The following SVEP1 variants were observed in gnomAD, a reference collection of about 807,000 sequenced individuals.
The protein encoded by SVEP1 is sushi, von Willebrand factor type A, EGF and pentraxin domain-containing protein 1.
SVEP1 carries 164 observed loss-of-function variants against 367.3 expected under a neutral mutation model. That is an observed-to-expected ratio of 0.45 (90% confidence interval 0.39 to 0.51). The LOEUF (loss-of-function observed/expected upper bound fraction) is 0.51. SVEP1 is among the 20% of genes least tolerant of loss of function. The pLI, the probability that SVEP1 is intolerant of heterozygous loss-of-function variation, is 0.00. For missense variants in SVEP1, 4,117 were observed against 4,425.3 expected, an observed-to-expected ratio of 0.93 and a Z score of 1.98; for synonymous variants, 1,666 against 1,611.6, an observed-to-expected ratio of 1.03 and a Z score of -0.81.
chr9:110,443,041 T>C (rs1056740293), intron 27 of SVEP1: 3 of 152,398 alleles, frequency 2.0e-5, no homozygotes, highest in East Asian at 1.9e-4. Flanking sequence ...AACAAGCTTA[T>C]TGCCATGTAC....
At chr9:110,428,984 G>A (rs2118547059) in intron 35 of SVEP1, among the ~76,000 whole-genome samples, 159 bp downstream of exon 35, 1 of 152,274 alleles carries the variant, frequency 6.6e-6, no homozygotes, top group African/African-American at 2.4e-5. Flanking sequence ...TGGGAGGATC[G>A]CTTGAGCCTG....
chr9:110,411,430 A>G lies in SVEP1; in HGVS notation c.6281T>C (p.Leu2094Ser). Residue 2094 changes from leucine to serine, a missense_variant, in exon 37 of 48, where the codon TTG becomes TCG. By Grantham distance (145) the Leu-to-Ser change is moderately radical. Coordinates refer to ENST00000374469, the MANE Select transcript of SVEP1 (RefSeq NM_153366.4). ...AAATTTTGCTTTGCTCACAGATTCC[A>G]AGATGCTATAGGAAACCGATGGAGG... is the stretch of plus-strand genomic sequence containing the variant. Reference protein sequence around the residue: ...EKPPSVSYSILESVSKAKFAA... With the variant: ...EKPPSVSYSISESVSKAKFAA... 6.2e-7 allele frequency: 1 copy of G among 1,614,054 alleles called. No individual in the cohort carries two copies.
chr9:110,518,657 A>G (rs1045971916), intron 3 of SVEP1, among the ~76,000 whole-genome samples: 8 of 152,152 alleles, frequency 5.3e-5, no homozygotes, highest in African/African-American at 7.2e-5. Context: ...GGAGACCACT[A>G]TGATTTCTCA....
intron 2 of SVEP1, among the ~76,000 whole-genome samples, chr9:110,548,802 T>G (rs949650343): frequency 1.3e-5 from 2 of 152,084 alleles, no homozygotes; most frequent in Admixed American, 6.6e-5. Context: ...TCCAAAAACT[T>G]TGGCCAGCAT....
chr9:110,375,356 A>G lies in SVEP1; in HGVS notation c.10600+12T>C, dbSNP rs1326905728. The stretch of plus-strand genomic sequence containing the variant: ...TGAGCCACCAAGAAAACAAACCATG[A>G]AAGAGGCCTACCTGTATGACAGCGA... On this transcript the variant is annotated intron_variant, in intron 46 of 47. Transcript: ENST00000374469. The G allele has an allele frequency of 6.5e-7, 1 of 1,546,696 alleles. No individual in the cohort carries two copies. Among genetic ancestry groups the G allele is most frequent in the African/African-American group, 1.4e-5 (1 of 72,330 alleles).
At chr9:110,409,800 A>C (rs925801464) in intron 37 of SVEP1, among the ~76,000 whole-genome samples, 3 of 152,218 alleles carry the variant, frequency 2.0e-5, no homozygotes, top group Admixed American at 6.5e-5. Context: ...ACAAAAAATT[A>C]ATATTCGTGA....
intron 1 of SVEP1, among the ~76,000 whole-genome samples, chr9:110,564,651 G>T (rs1202105252): frequency 1.3e-5 from 2 of 151,826 alleles, no homozygotes; most frequent in Non-Finnish European, 2.9e-5. Flanking sequence ...TTGGAAGTTT[G>T]TTTCATTTTT....
At chr9:110,460,698 G>A (rs1298556594) in intron 18 of SVEP1, among the ~76,000 whole-genome samples, 2 of 151,920 alleles carry the variant, frequency 1.3e-5, no homozygotes, top group Non-Finnish European at 2.9e-5. Flanking sequence ...GTTGCAGTGA[G>A]ATGAGATGGC....
intron 8 of SVEP1, among the ~76,000 whole-genome samples, chr9:110,491,574 A>C (rs1346395462): frequency 7.0e-6 from 1 of 142,186 alleles, no homozygotes; most frequent in Non-Finnish European, 1.5e-5. Flanking sequence ...ATAGCATTAC[A>C]TATTTTATAG....
In SVEP1 at chr9:110,366,373, G is replaced by A. The variant is rs1205711819; in HGVS notation, c.*166C>T. ...AACATGTAAGAAAGTATGTCACAAG[G>A]AATAACAAAATATATCACAAAATAA... On this transcript the variant is annotated 3_prime_UTR_variant, in exon 48 of 48. Coordinates refer to ENST00000374469, the MANE Select transcript of SVEP1 (RefSeq NM_153366.4). 3.8e-6 allele frequency: 2 copies of A among 529,978 alleles called. No homozygotes were observed. The highest frequency in any genetic ancestry group is 6.1e-6 in the Non-Finnish European group (2 of 329,318). The allele number at this position is 529,978 out of a possible 1,614,324, so 32.8% of individuals were successfully genotyped here.
intron 3 of SVEP1, among the ~76,000 whole-genome samples, chr9:110,526,993 A>G (rs1205765057): frequency 6.6e-6 from 1 of 152,146 alleles, no homozygotes; most frequent in African/African-American, 2.4e-5. Flanking sequence ...AGAAATAGAG[A>G]ATACATTAGT....
Position 110,579,443 on chromosome 9 carries a change from A to G in SVEP1, c.101T>C (p.Leu34Pro). ...MSPSRNFSFR[L>P]FPETAPGAPG... ...GGCCCCGGGCGCGGTCTCGGGGAAG[A>G]GGCGGAAGCTGAAATTGCGCGACGG... The change falls in exon 1 of 48, where the codon CTC (leucine) becomes CCC (proline). Residue 34 changes from leucine to proline, a missense_variant. Physicochemically the swap from Leu to Pro is moderately conservative, Grantham distance 98 (BLOSUM62 -3). Coordinates refer to ENST00000374469, the MANE Select transcript of SVEP1 (RefSeq NM_153366.4). This position sits in a 1 kb window ranked among gnomAD's most constrained non-coding sequence, Gnocchi z 5.3. The G allele has an allele frequency of 6.3e-7, 1 of 1,595,760 alleles. No individual in the cohort carries two copies. The highest frequency in any genetic ancestry group is 8.5e-7 in the Non-Finnish European group (1 of 1,172,238).
chr9:110,395,219 T>G (rs995797818), intron 40 of SVEP1, among the ~76,000 whole-genome samples: 4 of 152,146 alleles, frequency 2.6e-5, no homozygotes, highest in Admixed American at 6.5e-5. Flanking sequence ...AAGAAAAGAA[T>G]TTTCAACCCA....
chr9:110,496,727 T>G (rs1829452347), intron 8 of SVEP1, 88 bp downstream of exon 8: 21 of 898,632 alleles, frequency 2.3e-5, no homozygotes, highest in South Asian at 8.1e-5. Flanking sequence ...AGTATTACCA[T>G]GAGCATATTA....
At chr9:110,452,570 C>A (rs1463248128) in intron 22 of SVEP1, among the ~76,000 whole-genome samples, 2 of 152,174 alleles carry the variant, frequency 1.3e-5, no homozygotes, top group African/African-American at 4.8e-5. Context: ...TGAATACACA[C>A]CCTTGGTTAG....
chr9:110,480,615 G>A (rs1829170347), intron 12 of SVEP1, among the ~76,000 whole-genome samples: 1 of 151,902 alleles, frequency 6.6e-6, no homozygotes, highest in African/African-American at 2.4e-5. Context: ...TAGCTCTTCT[G>A]CACACTATGA....
chr9:110,515,595 C>T (rs938686545), intron 3 of SVEP1, among the ~76,000 whole-genome samples: 20 of 152,232 alleles, frequency 1.3e-4, no homozygotes, highest in African/African-American at 3.1e-4. Flanking sequence ...CCACCGCGCC[C>T]GGCCTATGTG....
intron 37 of SVEP1, among the ~76,000 whole-genome samples, chr9:110,410,549 T>C (rs1301080974): frequency 6.6e-6 from 1 of 152,242 alleles, no homozygotes; most frequent in Non-Finnish European, 1.5e-5. Flanking sequence ...CAAAATATTA[T>C]ATTAAAATTG....
At position 110,499,205 on chromosome 9, in the gene SVEP1, T is replaced by G. The variant is rs1157982427; in HGVS notation, c.1517A>C (p.Asp506Ala). The G allele has an allele frequency of 6.2e-7, 1 of 1,612,938 alleles. No individual in the cohort carries two copies. The highest frequency in any genetic ancestry group is 1.3e-5 in the African/African-American group (1 of 74,884). ...ACAGTTGTGGGGGGATATGATGACA[T>G]CTTTGGGCATCTGAAAGGTGGAACA... ...RHCSTFQMPK[D>A]VIISPHNCGK... The change falls in exon 7 of 48, where the codon GAT becomes GCT. Residue 506 changes from aspartate (D) to alanine (A), a missense_variant. This residue lies in a region of SVEP1 where 2,174 missense variants were observed against 2,494.3 expected (regional missense o/e 0.87). Coordinates refer to ENST00000374469, the MANE Select transcript of SVEP1 (RefSeq NM_153366.4).
Sources: gnomAD v4.1 joint callset for allele counts (sites outside exome capture counted in the v4.1 genomes callset) on GRCh38, gnomAD v4.1.1 for gene constraint, gnomAD v4.1.1 regional missense constraint, Gnocchi (gnomAD v3.1) non-coding constraint, MANE v1.5 for transcripts, NCBI Gene and HGNC (gene_info 2026-07-23, HGNC 2026-07-21) for gene names.